CTBP2: variants seen among roughly 807,000 people sequenced by gnomAD.
CTBP2 encodes the protein C-terminal-binding protein 2.
A neutral mutation model predicts 80.3 loss-of-function variants in CTBP2; 30 were observed. That is an observed-to-expected ratio of 0.37 (90% confidence interval 0.28 to 0.51). The LOEUF (loss-of-function observed/expected upper bound fraction) is 0.51, where lower values mean the gene tolerates loss of function less well. CTBP2 is among the 20% of genes least tolerant of loss of function. The pLI is 0.93. For synonymous variants in CTBP2, 594 were observed against 587.4 expected (o/e 1.01, Z -0.16); for missense variants, 1,212 against 1,375.3 (o/e 0.88, Z 1.88).
intron 1 of CTBP2, chr10:125,005,645 G>A (rs777977331): frequency 8.7e-6 from 14 of 1,612,784 alleles, no homozygotes; most frequent in Admixed American, 1.7e-5. Context: ...GTCACCTGAC[G>A]AGGAACCCGA....
At chr10:125,067,228 T>C (rs1226850353) in intron 2 of CTBP2, among the ~76,000 whole-genome samples, 2 of 152,120 alleles carry the variant, frequency 1.3e-5, no homozygotes, top group African/African-American at 4.8e-5. Context: ...TATACTATCA[T>C]AATCAAAACT....
chr10:125,138,876 A>C lies in CTBP2; in HGVS notation c.-206+21443T>G, dbSNP rs184813488. Among the ~76,000 whole-genome samples the C allele has an allele frequency of 2.0e-3, 308 of 152,280 alleles. 1 individual carries two copies. The highest frequency in any genetic ancestry group is 6.9e-3 in the African/African-American group (286 of 41,560). Reference sequence around the variant, plus strand: ...GTCTCTTCACTCGGCTAACTGTGCAAAGGAACCGGCTTCTGATGAGTCCCA... The same window carrying C: ...GTCTCTTCACTCGGCTAACTGTGCACAGGAACCGGCTTCTGATGAGTCCCA... On this transcript the variant is annotated intron_variant, in intron 1 of 10. Coordinates refer to the CTBP2 transcript ENST00000337195.
intron 2 of CTBP2, among the ~76,000 whole-genome samples, chr10:125,110,144 C>A (rs1050631494): frequency 2.6e-5 from 4 of 152,230 alleles, no homozygotes; most frequent in Admixed American, 2.0e-4. Context: ...AAAGCTAGTC[C>A]CCTCAAGGCT....
intron 1 of CTBP2, among the ~76,000 whole-genome samples, chr10:125,155,879 T>C (rs1860826784): frequency 2.0e-5 from 3 of 152,132 alleles, no homozygotes. Context: ...AAAACTGATA[T>C]CTGCCAGGCC....
intron 2 of CTBP2, among the ~76,000 whole-genome samples, chr10:125,050,798 T>C (rs1962541356): frequency 6.6e-6 from 1 of 152,178 alleles, no homozygotes. Flanking sequence ...AGGCTATAGC[T>C]AAAATATAAG....
intron 4 of CTBP2, among the ~76,000 whole-genome samples, chr10:124,995,552 C>T (rs933546054): frequency 3.3e-5 from 5 of 152,178 alleles, no homozygotes; most frequent in Admixed American, 6.5e-5. Context: ...TGCGCATTTC[C>T]GAGCAGGCAG....
chr10:125,073,322 C>G (rs569820065), intron 2 of CTBP2, among the ~76,000 whole-genome samples: 1 of 152,202 alleles, frequency 6.6e-6, no homozygotes, highest in Admixed American at 6.5e-5. Context: ...CGCAGCCTCC[C>G]GAGTTCAATT....
In CTBP2 at chr10:125,072,276, AG is replaced by A. The variant is rs528572118; in HGVS notation, c.-101-33122del. On this transcript the variant is annotated intron_variant, in intron 2 of 10. Transcript: ENST00000337195. ...GCCTGGAGAGACTCCGTCTCAAAAA[AG>A]AAAAAGGAATCCACGTACAGCTCCT... is the stretch of plus-strand genomic sequence containing the variant. 1.3e-3 allele frequency among the ~76,000 whole-genome samples: 194 copies of A among 151,098 alleles called. 1 individual carries two copies. Among genetic ancestry groups the A allele is most frequent in the African/African-American group, 4.5e-3 (183 of 41,080 alleles).
At chr10:124,994,032 AAG>A (rs767952625) in intron 5 of CTBP2, 47 bp from the exon 8 acceptor site, 2 of 1,610,602 alleles carry the variant, frequency 1.2e-6, no homozygotes, top group Non-Finnish European at 1.7e-6. Context: ...GGCATGGTGG[AAG>A]ACTCTTGTAC....
intron 2 of CTBP2, chr10:125,100,716 A>G (rs1850485450): frequency 6.6e-6 from 1 of 152,220 alleles, no homozygotes; most frequent in Non-Finnish European, 1.5e-5. Flanking sequence ...TAATAGATGC[A>G]GAGTTGTCCT....
intron 1 of CTBP2, among the ~76,000 whole-genome samples, chr10:125,131,561 G>C (rs114587169): frequency 8.9e-4 from 136 of 152,308 alleles, no homozygotes; most frequent in African/African-American, 3.0e-3. Flanking sequence ...TGTAGGACAG[G>C]GAGGGGGCAG....
chr10:125,012,877 G>A (rs1163930048), intron 1 of CTBP2, among the ~76,000 whole-genome samples: 1 of 89,694 alleles, frequency 1.1e-5, no homozygotes, highest in Non-Finnish European at 2.4e-5. Flanking sequence ...ACCGCGCCCG[G>A]CCAAAAGAAG....
In CTBP2 at chr10:125,027,991, A is replaced by G; in HGVS notation, c.-232T>C. The G allele has an allele frequency of 4.0e-6, 5 of 1,263,456 alleles. No homozygotes were observed. In the South Asian group the frequency reaches 6.8e-5, roughly 17 times the overall value. The allele number at this position is 1,263,456 out of a possible 1,614,324, so 78.3% of individuals were successfully genotyped here. ...TGCCTCACTCCCCAACGATAGCCAG[A>G]GAGGTCTGTTCCTTACAGCTCAGTC... On this transcript the variant is annotated 5_prime_UTR_variant, in exon 1 of 9. Coordinates refer to ENST00000309035, the MANE Select transcript of CTBP2 (RefSeq NM_022802.3).
intron 2 of CTBP2, among the ~76,000 whole-genome samples, chr10:125,045,244 C>T (rs1399713852): frequency 6.6e-6 from 1 of 152,080 alleles, no homozygotes; most frequent in Non-Finnish European, 1.5e-5. Flanking sequence ...CTGGATCTGC[C>T]AGATCATTAG....
chr10:125,087,526 G>A (rs1402847524), intron 2 of CTBP2, among the ~76,000 whole-genome samples: 1 of 152,180 alleles, frequency 6.6e-6, no homozygotes, highest in African/African-American at 2.4e-5. Flanking sequence ...GAAGGGCAAA[G>A]GTCTGTCTTC....
intron 1 of CTBP2, chr10:125,158,662 G>A (rs1287992925): frequency 6.6e-6 from 1 of 152,248 alleles, no homozygotes; most frequent in Non-Finnish European, 1.5e-5. Context: ...AGCCCGGTAT[G>A]ACGACGTAGG....
intron 2 of CTBP2, among the ~76,000 whole-genome samples, chr10:125,073,287 G>T (rs1193646051): frequency 6.6e-6 from 1 of 152,206 alleles, no homozygotes; most frequent in Non-Finnish European, 1.5e-5. Flanking sequence ...CCAGGCTGGA[G>T]TGCAGTGACG....
intron 1 of CTBP2, among the ~76,000 whole-genome samples, chr10:125,133,012 C>G (rs527596475): frequency 1.3e-5 from 2 of 152,290 alleles, no homozygotes; most frequent in South Asian, 4.1e-4. Context: ...AAATGGATGA[C>G]TGGATTTAAA....
At chr10:125,157,835 GT>G (rs1048157699) in intron 1 of CTBP2, among the ~76,000 whole-genome samples, 3 of 152,124 alleles carry the variant, frequency 2.0e-5, no homozygotes, top group African/African-American at 7.2e-5. Context: ...AAGAGGGCCT[GT>G]TTTTTTGCTT....
Sources: allele counts gnomAD v4.1 joint callset (sites outside exome capture counted in the v4.1 genomes callset), GRCh38; gene constraint gnomAD v4.1.1; transcripts MANE v1.5; gene names NCBI Gene and HGNC (gene_info 2026-07-23, HGNC 2026-07-21).